Variants in RBFOX1 observed in about 807,000 individuals in gnomAD.
RBFOX1 encodes the protein RNA binding fox-1 homolog 1, also known as RNA binding protein fox-1 homolog 1.
A neutral mutation model predicts 57.7 loss-of-function variants in RBFOX1; 8 were observed. That is an observed-to-expected ratio of 0.14 (90% CI 0.08 to 0.25). The LOEUF (loss-of-function observed/expected upper bound fraction) is 0.25. Among genes scored for constraint, RBFOX1 ranks in the 10% least tolerant of loss-of-function variants. The pLI, the probability that RBFOX1 is intolerant of heterozygous loss-of-function variation, is 1.00. For synonymous variants in RBFOX1, 326 were observed against 222.4 expected (o/e 1.47, Z -4.15); for missense variants, 611 against 548.5 (o/e 1.11, Z -1.14).
chr16:6,703,073 T>C (rs1172935442), intron 3 of RBFOX1, among the ~76,000 whole-genome samples: 1 of 152,226 alleles, frequency 6.6e-6, no homozygotes, highest in Non-Finnish European at 1.5e-5. Context: ...TATGTTGTAG[T>C]GTGTTATTCT....
chr16:7,146,521 C>T (rs1469408149), intron 4 of RBFOX1, among the ~76,000 whole-genome samples: 4 of 152,120 alleles, frequency 2.6e-5, no homozygotes, highest in Non-Finnish European at 5.9e-5. Flanking sequence ...GATGCATAGG[C>T]CATCAGAGTT....
chr16:6,303,805 CT>C (rs1177185329), intron 1 of RBFOX1, among the ~76,000 whole-genome samples: 2,467 of 70,376 alleles, frequency 0.035, 41 homozygotes, highest in African/African-American at 0.12. Flanking sequence ...GAAACCCTGT[CT>C]TTTTTTTTTT....
intron 1 of RBFOX1, among the ~76,000 whole-genome samples, chr16:6,076,958 G>T (rs1190545200): frequency 6.6e-6 from 1 of 152,208 alleles, no homozygotes; most frequent in South Asian, 2.1e-4. Context: ...ATGAACAGCA[G>T]TGCTAGAATC....
intron 4 of RBFOX1, among the ~76,000 whole-genome samples, chr16:7,376,832 G>A (rs2097693902): frequency 6.6e-6 from 1 of 152,150 alleles, no homozygotes; most frequent in African/African-American, 2.4e-5. Flanking sequence ...ATTCAGAGCT[G>A]TTAAAAGTCG....
At chr16:6,068,351 TA>T (rs1169187099) in intron 1 of RBFOX1, among the ~76,000 whole-genome samples, 2 of 152,164 alleles carry the variant, frequency 1.3e-5, no homozygotes, top group African/African-American at 2.4e-5. Context: ...ACTGAGTAGT[TA>T]AGGTAAATAT....
At chr16:7,207,147 G>C (rs897333910) in intron 4 of RBFOX1, among the ~76,000 whole-genome samples, 1 of 152,180 alleles carries the variant, frequency 6.6e-6, no homozygotes, top group African/African-American at 2.4e-5. Flanking sequence ...TAGCTGATCA[G>C]CAAGAGGTGT....
Position 7,021,799 on chromosome 16 carries a change from A to G in RBFOX1, c.-15-30258A>G, listed in dbSNP as rs2039208607. 2.0e-5 allele frequency among the ~76,000 whole-genome samples: 3 copies of G among 151,198 alleles called. No homozygotes were observed. In the East Asian group the frequency reaches 5.8e-4, roughly 29 times the overall value. On this transcript the variant is annotated intron_variant, in intron 3 of 15. Coordinates refer to ENST00000550418, the MANE Select transcript of RBFOX1 (RefSeq NM_018723.4). ...ATGTACTATATACCAGGCATGCTTG[A>G]AAAGCCTTTATAGATTTATTTCTAA...
chr16:5,765,512 A>G (rs1024659578), intron 3 of RBFOX1, among the ~76,000 whole-genome samples: 4 of 152,234 alleles, frequency 2.6e-5, no homozygotes, highest in African/African-American at 9.6e-5. Flanking sequence ...TATGAGGGCA[A>G]GGACTTTGTC....
At chr16:6,732,365 A>G (rs1332559992) in intron 3 of RBFOX1, among the ~76,000 whole-genome samples, 1 of 152,226 alleles carries the variant, frequency 6.6e-6, no homozygotes, top group African/African-American at 2.4e-5. Flanking sequence ...CAGATGCAGC[A>G]TTCCTTGCTG....
At chr16:7,015,494 G>A (rs2093864834) in intron 3 of RBFOX1, among the ~76,000 whole-genome samples, 1 of 152,126 alleles carries the variant, frequency 6.6e-6, no homozygotes, top group African/African-American at 2.4e-5. Context: ...AGAGGCTGGG[G>A]AGAGGAAAAA....
chr16:5,825,333 C>T (rs941470288), intron 3 of RBFOX1, among the ~76,000 whole-genome samples: 2 of 152,196 alleles, frequency 1.3e-5, no homozygotes, highest in Admixed American at 1.3e-4. Flanking sequence ...GCAGGGACCT[C>T]CCCTCTCTAT....
At chr16:5,500,278 A>G (rs1170867917) in intron 2 of RBFOX1, among the ~76,000 whole-genome samples, 3 of 148,346 alleles carry the variant, frequency 2.0e-5, no homozygotes, top group African/African-American at 7.5e-5. Flanking sequence ...GCCGGAATGC[A>G]GTGGCACAAT....
chr16:7,433,763 C>T (rs953063285), intron 4 of RBFOX1, among the ~76,000 whole-genome samples: 4 of 152,208 alleles, frequency 2.6e-5, no homozygotes, highest in Non-Finnish European at 5.9e-5. Flanking sequence ...ATTATCCAGT[C>T]ATCTAACTAT....
At chr16:6,318,388 T>G (rs1322689339) in intron 2 of RBFOX1, among the ~76,000 whole-genome samples, 2 of 152,198 alleles carry the variant, frequency 1.3e-5, no homozygotes, top group African/African-American at 4.8e-5. Flanking sequence ...TGGCATGAAG[T>G]CTGTTCAAAT....
chr16:7,360,551 G>A (rs1054652157), intron 4 of RBFOX1, among the ~76,000 whole-genome samples: 1 of 152,150 alleles, frequency 6.6e-6, no homozygotes, highest in African/African-American at 2.4e-5. Flanking sequence ...GGTGGCCTGA[G>A]GACCAAGCCT....
rs8061344 is a variant in RBFOX1 at position 7,048,762 on chromosome 16, T to C, written c.-15-3295T>C. 6.7e-3 allele frequency among the ~76,000 whole-genome samples: 1,013 copies of C among 152,318 alleles called. 13 individuals carry two copies. Among genetic ancestry groups the C allele is most frequent in the African/African-American group, 0.023 (959 of 41,574 alleles). ...CCCATGCAAATTTAGATTTTCTTGGTTCCTAGTATGCTAAGTCATTTTGGT... is the reference window on the plus strand; with the variant it reads ...CCCATGCAAATTTAGATTTTCTTGGCTCCTAGTATGCTAAGTCATTTTGGT... On this transcript the variant is annotated intron_variant, in intron 3 of 15. Transcript: ENST00000550418.
At chr16:6,118,147 G>A (rs143143431) in intron 1 of RBFOX1, among the ~76,000 whole-genome samples, 23 of 152,224 alleles carry the variant, frequency 1.5e-4, no homozygotes, top group African/African-American at 5.5e-4. Flanking sequence ...AAACTAATAA[G>A]TTAGCATTAA....
chr16:6,271,795 G>A (rs1286834776), intron 1 of RBFOX1, among the ~76,000 whole-genome samples: 1 of 152,024 alleles, frequency 6.6e-6, no homozygotes, highest in African/African-American at 2.4e-5. Flanking sequence ...AAAGAAATTG[G>A]GTTTTTAAGT....
At chr16:6,725,862 T>C (rs2154168746) in intron 3 of RBFOX1, among the ~76,000 whole-genome samples, 1 of 152,338 alleles carries the variant, frequency 6.6e-6, no homozygotes, top group African/African-American at 2.4e-5. Flanking sequence ...CCAGCAGTGT[T>C]TCTCATTTGA....
Sources: allele counts gnomAD v4.1 joint callset (sites outside exome capture counted in the v4.1 genomes callset), GRCh38; gene constraint gnomAD v4.1.1; transcripts MANE v1.5; gene names NCBI Gene and HGNC (gene_info 2026-07-23, HGNC 2026-07-21).